The following LRP1B variants were observed in gnomAD, a reference collection of about 807,000 sequenced individuals.
LRP1B encodes the protein low-density lipoprotein receptor-related protein 1B.
In LRP1B, 217 loss-of-function variants were observed where a neutral mutation model predicts 556.6. That is an observed-to-expected ratio of 0.39 (90% CI 0.35 to 0.44). The LOEUF is 0.44. Ranked by LOEUF, LRP1B falls within the 20% of genes least tolerant of loss-of-function variation. The probability of loss-of-function intolerance (pLI) is 1.00; values close to 1 mark genes in which losing one functional copy is unlikely to be tolerated. For missense variants in LRP1B, 5,053 were observed against 5,620.8 expected (o/e 0.90, Z 3.23); for synonymous variants, 2,047 against 1,865.8 (o/e 1.10, Z -2.50).
intron 41 of LRP1B, among the ~76,000 whole-genome samples, chr2:140,614,949 C>A (rs1052538496): frequency 4.6e-5 from 7 of 152,078 alleles, no homozygotes; most frequent in Admixed American, 4.6e-4. Context: ...GGGCATAGGC[C>A]AAGCTATCTA....
chr2:141,933,711 A>C, intron 1 of LRP1B, among the ~76,000 whole-genome samples: 1 of 152,196 alleles, frequency 6.6e-6, no homozygotes, highest in East Asian at 1.9e-4. Context: ...ATTTTAAAGC[A>C]GACAAAACTA....
At chr2:140,972,576 T>C (rs10169349) in intron 18 of LRP1B, among the ~76,000 whole-genome samples, 111,026 of 151,302 alleles carry the variant, frequency 0.73, 41,252 homozygotes, top group Admixed American at 0.79. Flanking sequence ...ATTGTGGAAT[T>C]AATGGGAGTT....
chr2:141,507,403 TA>T (rs34138942), intron 2 of LRP1B, among the ~76,000 whole-genome samples: 35,953 of 152,020 alleles, frequency 0.24, 5,323 homozygotes, highest in East Asian at 0.49. Context: ...CCAATAGTTT[TA>T]AAAAATGATA....
intron 1 of LRP1B, among the ~76,000 whole-genome samples, chr2:142,080,637 C>T (rs773588735): frequency 1.3e-5 from 2 of 152,144 alleles, no homozygotes; most frequent in Non-Finnish European, 2.9e-5. Flanking sequence ...TCAAGTGTTT[C>T]CTCTGCAATA....
At chr2:140,735,329 C>T (rs1687911376) in intron 35 of LRP1B, among the ~76,000 whole-genome samples, 1 of 152,136 alleles carries the variant, frequency 6.6e-6, no homozygotes, top group South Asian at 2.1e-4. Context: ...ATTGTAATGA[C>T]ACACTACAGA....
chr2:141,948,628 T>G (rs987088738), intron 1 of LRP1B, among the ~76,000 whole-genome samples: 10 of 151,982 alleles, frequency 6.6e-5, no homozygotes, highest in Non-Finnish European at 1.2e-4. Context: ...TTGATGAGCA[T>G]TGAAGCCAAT....
At chr2:140,287,754 T>C (rs1487628593) in intron 84 of LRP1B, among the ~76,000 whole-genome samples, 1 of 151,704 alleles carries the variant, frequency 6.6e-6, no homozygotes, top group Non-Finnish European at 1.5e-5. Context: ...TTAAGGTGTA[T>C]CTGATTCTGT....
intron 3 of LRP1B, among the ~76,000 whole-genome samples, chr2:141,388,314 T>C (rs941344070): frequency 1.3e-5 from 2 of 152,140 alleles, no homozygotes; most frequent in African/African-American, 4.8e-5. Flanking sequence ...TGGGTGCCTG[T>C]AATCCCAGCT....
chr2:141,679,050 A>G (rs577495277), intron 2 of LRP1B, among the ~76,000 whole-genome samples: 2 of 152,266 alleles, frequency 1.3e-5, no homozygotes, highest in Admixed American at 6.5e-5. Flanking sequence ...AATGAAACCA[A>G]CTGCCATATT....
chr2:140,557,556 C>A (rs10207172), intron 43 of LRP1B, among the ~76,000 whole-genome samples: 65,033 of 151,818 alleles, frequency 0.43, 14,679 homozygotes, highest in East Asian at 0.58. Flanking sequence ...ATGGCCTGAC[C>A]CCCTGTGACC....
intron 6 of LRP1B, among the ~76,000 whole-genome samples, chr2:141,221,416 C>G (rs1008779192): frequency 1.3e-5 from 2 of 151,988 alleles, no homozygotes; most frequent in African/African-American, 4.8e-5. Context: ...AAAACAAGTT[C>G]TTAGAGACGT....
chr2:141,161,020 C>G (rs1045039013), intron 7 of LRP1B, among the ~76,000 whole-genome samples: 1 of 151,948 alleles, frequency 6.6e-6, no homozygotes, highest in Admixed American at 6.6e-5. Context: ...ATGAGTGGTA[C>G]AAGAGGAACT....
chr2:140,261,940 GA>G (rs1364474504), intron 86 of LRP1B, among the ~76,000 whole-genome samples: 4 of 151,934 alleles, frequency 2.6e-5, no homozygotes, highest in Admixed American at 2.6e-4. Flanking sequence ...TACTGGATTT[GA>G]AAAGTTTGTT....
rs140822989 is a variant in LRP1B at position 140,914,113 on chromosome 2, T to C, written c.3320-6036A>G. Among the ~76,000 whole-genome samples, 398 of 152,222 alleles carry C rather than the reference T, an allele frequency of 2.6e-3. 1 individual carries two copies. The highest frequency in any genetic ancestry group is 9.1e-3 in the African/African-American group (378 of 41,552). On this transcript the variant is annotated intron_variant, in intron 21 of 90. Coordinates refer to ENST00000389484, the MANE Select transcript of LRP1B (RefSeq NM_018557.3). ...ATAAGATTCAGCAAATTTGAACGAC[T>C]GAAAGATTTTTTTAAAGTATGTGTT...
chr2:142,103,941 A>T (rs1200989600), intron 1 of LRP1B, among the ~76,000 whole-genome samples: 1 of 152,136 alleles, frequency 6.6e-6, no homozygotes, highest in Non-Finnish European at 1.5e-5. Context: ...GTGTCTGATC[A>T]GTACTCTGGT....
At chr2:140,324,333 G>A (rs540536297) in intron 80 of LRP1B, among the ~76,000 whole-genome samples, 2 of 151,912 alleles carry the variant, frequency 1.3e-5, no homozygotes, top group South Asian at 2.1e-4. Flanking sequence ...CATTTTCTGG[G>A]GGTTATTATT....
chr2:140,859,769 C>T (rs555289658), intron 27 of LRP1B, among the ~76,000 whole-genome samples: 277 of 151,900 alleles, frequency 1.8e-3, no homozygotes, highest in African/African-American at 6.4e-3. Context: ...CCGAGGTGGG[C>T]GGATCATGAG....
intron 7 of LRP1B, among the ~76,000 whole-genome samples, chr2:141,074,298 T>A (rs1321487686): frequency 6.6e-6 from 1 of 152,156 alleles, no homozygotes; most frequent in Admixed American, 6.6e-5. Flanking sequence ...GCTTTAGTTT[T>A]CAACTTAGAT....
chr2:142,078,238 A>G (rs1290916242), intron 1 of LRP1B, among the ~76,000 whole-genome samples: 2 of 152,104 alleles, frequency 1.3e-5, no homozygotes, highest in Admixed American at 6.6e-5. Flanking sequence ...AAACTGCATG[A>G]TAACCAAAAA....
Sources: allele counts gnomAD v4.1 joint callset (sites outside exome capture counted in the v4.1 genomes callset), GRCh38; gene constraint gnomAD v4.1.1; transcripts MANE v1.5; gene names NCBI Gene and HGNC (gene_info 2026-07-23, HGNC 2026-07-21).